The following ANKHD1 variants were observed in gnomAD, a reference collection of about 807,000 sequenced individuals.
ANKHD1 encodes ankyrin repeat and KH domain containing 1, also known as ankyrin repeat and KH domain-containing protein 1.
A neutral mutation model predicts 230.5 loss-of-function variants in ANKHD1; 31 were observed. The observed-to-expected ratio is 0.13, with a 90% CI of 0.10 to 0.18. The LOEUF is 0.18. ANKHD1 is among the 10% of genes least tolerant of loss of function. ANKHD1 has a pLI of 1.00. For synonymous variants in ANKHD1, 1,074 were observed against 1,117.6 expected, an observed-to-expected ratio of 0.96 and a Z score of 0.78; for missense variants, 2,256 against 3,071.3, an observed-to-expected ratio of 0.73 and a Z score of 6.27.
chr5:140,485,237 C>T lies in ANKHD1; in HGVS notation c.1987C>T (p.His663Tyr). Residue 663 changes from histidine to tyrosine, a missense_variant, in exon 12 of 34, where the codon CAT becomes TAT. His to Tyr is a moderately conservative substitution (Grantham distance 83). Transcript: ENST00000360839. The surrounding 1 kb of genome is among the most constrained non-coding windows in gnomAD (Gnocchi z 4.8). ...LLLAHGADPT[H>Y]RLKDGSTMLI... is the part of the protein sequence containing the mutation. ...CTTGGCTCATGGGGCTGACCCTACT[C>T]ATCGACTCAAGGTAGTCTACTTAAA... is the stretch of plus-strand genomic sequence containing the variant. The T allele has an allele frequency of 1.2e-6, 2 of 1,613,372 alleles. No individual in the cohort carries two copies. The highest frequency in any genetic ancestry group is 1.7e-6 in the Non-Finnish European group (2 of 1,179,562).
intron 29 of ANKHD1, 87 bp from the exon 30 acceptor site, chr5:140,535,275 A>G: frequency 4.7e-6 from 7 of 1,487,768 alleles, no homozygotes; most frequent in South Asian, 1.5e-5. Context: ...TTATTTTTAC[A>G]GCTTATCTCA....
intron 1 of ANKHD1, among the ~76,000 whole-genome samples, chr5:140,433,918 A>C (rs965581951): frequency 6.6e-6 from 1 of 152,154 alleles, no homozygotes; most frequent in Non-Finnish European, 1.5e-5. Context: ...CTGTTGTATG[A>C]GCAGTTGCTT....
chr5:140,421,076 CT>C, intron 1 of ANKHD1, among the ~76,000 whole-genome samples: 1 of 152,124 alleles, frequency 6.6e-6, no homozygotes, highest in South Asian at 2.1e-4. Flanking sequence ...GTTTGTTTTC[CT>C]TTTTTTAACC....
At chr5:140,537,344 C>G in intron 30 of ANKHD1, 45 bp from the exon 31 acceptor site, 1 of 1,606,728 alleles carries the variant, frequency 6.2e-7, no homozygotes, top group South Asian at 1.1e-5. Context: ...CCAGGTGACT[C>G]TCCTATTCCA....
chr5:140,421,961 C>T (rs1220933310), intron 1 of ANKHD1, among the ~76,000 whole-genome samples: 4 of 152,122 alleles, frequency 2.6e-5, no homozygotes, highest in Non-Finnish European at 5.9e-5. Context: ...GTATATATCT[C>T]CTTGTTGCTG....
chr5:140,537,942 C>G, intron 31 of ANKHD1, 144 bp from the exon 32 acceptor site: 5 of 1,318,334 alleles, frequency 3.8e-6, no homozygotes, highest in Non-Finnish European at 5.0e-6. Context: ...TTTTTTTTGG[C>G]TAGCAAGACT....
chr5:140,530,730 C>T (rs1317058781), intron 29 of ANKHD1, among the ~76,000 whole-genome samples: 1 of 152,246 alleles, frequency 6.6e-6, no homozygotes, highest in South Asian at 2.1e-4. Context: ...GTCTAATCTG[C>T]ACTGTTCTGA....
At chr5:140,538,303 C>T in intron 32 of ANKHD1, 42 bp downstream of exon 32, 4 of 1,605,046 alleles carry the variant, frequency 2.5e-6, no homozygotes, top group Non-Finnish European at 3.4e-6. Context: ...GACACTTTGT[C>T]AGCCAATGTA....
At chr5:140,503,045 TCTA>T (rs1415760356) in intron 15 of ANKHD1, among the ~76,000 whole-genome samples, 1 of 152,182 alleles carries the variant, frequency 6.6e-6, no homozygotes, top group African/African-American at 2.4e-5. Flanking sequence ...AAACTAGTAA[TCTA>T]CTAAACTGAG....
intron 1 of ANKHD1, among the ~76,000 whole-genome samples, chr5:140,411,497 GTTT>G (rs528063904): frequency 8.1e-6 from 1 of 123,624 alleles, no homozygotes; most frequent in African/African-American, 3.0e-5. Flanking sequence ...TGTTGGAAAA[GTTT>G]TTTTTTTTTT....
At chr5:140,526,508 T>C in intron 26 of ANKHD1, 65 bp downstream of exon 26, 1 of 1,520,918 alleles carries the variant, frequency 6.6e-7, no homozygotes, top group Non-Finnish European at 8.8e-7. Context: ...TACAAGAATT[T>C]GAAGTATATT....
At chr5:140,443,080 T>C (rs555122882) in intron 5 of ANKHD1, among the ~76,000 whole-genome samples, 13 of 151,994 alleles carry the variant, frequency 8.6e-5, no homozygotes, top group East Asian at 7.8e-4. Context: ...TAATTTTTTG[T>C]ATTTTTAGTA....
At chr5:140,405,797 T>C (rs1466139896) in intron 1 of ANKHD1, among the ~76,000 whole-genome samples, 2 of 152,106 alleles carry the variant, frequency 1.3e-5, no homozygotes, top group Non-Finnish European at 2.9e-5. Flanking sequence ...CACTCCCAGG[T>C]AATTTTTATA....
intron 11 of ANKHD1, among the ~76,000 whole-genome samples, chr5:140,483,747 T>C (rs1336760782): frequency 6.6e-6 from 1 of 152,196 alleles, no homozygotes; most frequent in Non-Finnish European, 1.5e-5. Context: ...CATGAGCCAC[T>C]GCACCTGGCC....
chr5:140,404,513 A>G (rs1185783473), intron 1 of ANKHD1, among the ~76,000 whole-genome samples: 3 of 151,314 alleles, frequency 2.0e-5, no homozygotes, highest in Non-Finnish European at 4.4e-5. Context: ...GCTCACTGCA[A>G]CCCCCGTCTC....
At chr5:140,472,014 G>A (rs1776529892) in intron 10 of ANKHD1, among the ~76,000 whole-genome samples, 1 of 151,958 alleles carries the variant, frequency 6.6e-6, no homozygotes, top group Non-Finnish European at 1.5e-5. Context: ...CATATATTAA[G>A]ATTTATATTG....
At position 140,523,959 on chromosome 5, in the gene ANKHD1, TGA is replaced by T. The variant is rs1036471395; in HGVS notation, c.4318-103_4318-102del. On this transcript the variant is annotated intron_variant, in intron 24 of 33. Transcript: ENST00000360839. ...CTTGTTGGCATTTATAAATGTGTTT[TGA>T]GAGTAACATCCATGGAAATCCCTGT... The T allele has an allele frequency of 5.1e-6, 7 of 1,368,222 alleles. No individual in the cohort carries two copies. In the African/African-American group the frequency reaches 1.1e-4, roughly 21 times the overall value. The allele number at this position is 1,368,222 out of a possible 1,614,324, so 84.8% of individuals were successfully genotyped here. A position where few individuals can be genotyped will look rare whatever the true frequency, so the allele number is the denominator to read the frequency against.
intron 14 of ANKHD1, 59 bp from the exon 15 acceptor site, chr5:140,496,461 C>CTTTTTTTTTTTTTTTTTTTTT (rs770445733): frequency 6.2e-6 from 3 of 484,880 alleles, no homozygotes; most frequent in East Asian, 8.3e-5. Context: ...TTTTTCTTTT[C>CTTTTTTTTTTTTTTTTTTTTT]TTTTTTTTTT....
At chr5:140,453,425 G>A (rs1347943336) in intron 7 of ANKHD1, among the ~76,000 whole-genome samples, 2 of 152,132 alleles carry the variant, frequency 1.3e-5, no homozygotes, top group African/African-American at 2.4e-5. Context: ...ATTCACCAAC[G>A]TTGAAATGAA....
Sources: allele counts gnomAD v4.1 joint callset (sites outside exome capture counted in the v4.1 genomes callset), GRCh38; gene constraint gnomAD v4.1.1; non-coding constraint Gnocchi (gnomAD v3.1); transcripts MANE v1.5; gene names NCBI Gene and HGNC (gene_info 2026-07-23, HGNC 2026-07-21).